The following CLVS2 variants were observed in gnomAD, a reference collection of about 807,000 sequenced individuals.
CLVS2 encodes the protein clavesin 2.
A neutral mutation model predicts 29.0 loss-of-function variants in CLVS2; 19 were observed. The observed-to-expected ratio is 0.66, with a 90% CI of 0.46 to 0.96. The LOEUF is 0.96. CLVS2 is among the 40% of genes least tolerant of loss of function. The pLI, the probability that CLVS2 is intolerant of heterozygous loss-of-function variation, is 0.00. For missense variants in CLVS2, 294 were observed against 404.1 expected (o/e 0.73, Z 2.34); for synonymous variants, 161 against 151.3 (o/e 1.06, Z -0.47).
chr6:123,038,259 C>G (rs968475210), intron 3 of CLVS2, among the ~76,000 whole-genome samples: 5 of 152,166 alleles, frequency 3.3e-5, no homozygotes, highest in African/African-American at 7.2e-5. Context: ...CTTTAAGCCT[C>G]TTAACACCTT....
intron 3 of CLVS2, among the ~76,000 whole-genome samples, chr6:123,041,555 T>C (rs941821880): frequency 6.6e-6 from 1 of 152,164 alleles, no homozygotes; most frequent in African/African-American, 2.4e-5. Context: ...TGAATTCCCT[T>C]AAAGGAGAGT....
At chr6:123,011,586 T>A (rs1369642184) in intron 3 of CLVS2, among the ~76,000 whole-genome samples, 1 of 152,014 alleles carries the variant, frequency 6.6e-6, no homozygotes, top group Non-Finnish European at 1.5e-5. Flanking sequence ...TCAATCAATA[T>A]GTTTTTTGGT....
intron 5 of CLVS2, among the ~76,000 whole-genome samples, chr6:123,059,921 T>C (rs991074419): frequency 2.0e-5 from 3 of 152,222 alleles, no homozygotes; most frequent in African/African-American, 7.2e-5. Flanking sequence ...TGTCATGGGC[T>C]GATTAGAGTT....
chr6:123,036,358 A>C (rs1775153959), intron 3 of CLVS2, among the ~76,000 whole-genome samples: 1 of 152,184 alleles, frequency 6.6e-6, no homozygotes, highest in Admixed American at 6.5e-5. Flanking sequence ...CTGGTGTTTT[A>C]ATTAGAATCT....
rs146800301 is a variant in CLVS2, at chr6:123,055,962, G to A, written c.832G>A (p.Val278Ile). ...ATATGACGATGACAGCGAGTACAATGTAGACTCCTACAGCATGCCTGTGAA... is the reference window on the plus strand; with the variant it reads ...ATATGACGATGACAGCGAGTACAATATAGACTCCTACAGCATGCCTGTGAA... ...HEYDDDSEYNVDSYSMPVKEV... is the reference protein window; with the variant it reads ...HEYDDDSEYNIDSYSMPVKEV... Residue 278 changes from valine (V) to isoleucine (I), a missense_variant, in exon 5 of 6, where the codon GTA becomes ATA. By Grantham distance (29) the Val-to-Ile change is conservative. Around this residue, in one of 2 missense-constraint regions of CLVS2, gnomAD observed 82 missense variants for 67.8 expected, o/e 1.21. Coordinates refer to ENST00000275162, the MANE Select transcript of CLVS2 (RefSeq NM_001010852.4). 3.1e-5 allele frequency: 50 copies of A among 1,613,926 alleles called. No individual in the cohort carries two copies. Among genetic ancestry groups the A allele is most frequent in the South Asian group, 2.0e-4 (18 of 91,090 alleles).
At chr6:123,002,586 T>TAA (rs1554200614) in intron 2 of CLVS2, among the ~76,000 whole-genome samples, 5 of 144,162 alleles carry the variant, frequency 3.5e-5, no homozygotes, top group Non-Finnish European at 6.0e-5. Flanking sequence ...GTACTAAAAA[T>TAA]AATAAAATAA....
chr6:123,035,456 G>A (rs1775140342), intron 3 of CLVS2, among the ~76,000 whole-genome samples: 1 of 152,050 alleles, frequency 6.6e-6, no homozygotes, highest in Non-Finnish European at 1.5e-5. Flanking sequence ...GAGTGTTGAA[G>A]ATGAAGATGT....
intron 3 of CLVS2, among the ~76,000 whole-genome samples, chr6:123,023,084 A>C (rs1554201718): frequency 6.6e-6 from 1 of 152,256 alleles, no homozygotes; most frequent in African/African-American, 2.4e-5. Context: ...TAGAACTAGG[A>C]AGTACCTTAA....
chr6:123,000,342 A>G (rs1774573672), intron 2 of CLVS2, among the ~76,000 whole-genome samples: 1 of 152,066 alleles, frequency 6.6e-6, no homozygotes, highest in Admixed American at 6.5e-5. Flanking sequence ...CTTCTTTCCC[A>G]CCTTCCTTTT....
At chr6:123,063,368 T>G (rs892246253) in intron 5 of CLVS2, among the ~76,000 whole-genome samples, 1 of 152,168 alleles carries the variant, frequency 6.6e-6, no homozygotes, top group Non-Finnish European at 1.5e-5. Flanking sequence ...TAGAAATTTG[T>G]GATATCTCAA....
chr6:123,012,202 C>T (rs772619181), intron 3 of CLVS2, among the ~76,000 whole-genome samples: 1 of 151,912 alleles, frequency 6.6e-6, no homozygotes, highest in Non-Finnish European at 1.5e-5. Context: ...TTTTAAAAAC[C>T]TCCACAGGGA....
At chr6:123,013,485 G>T (rs1774781429) in intron 3 of CLVS2, among the ~76,000 whole-genome samples, 1 of 151,768 alleles carries the variant, frequency 6.6e-6, no homozygotes, top group African/African-American at 2.4e-5. Context: ...ATAGGGGATT[G>T]AACCAAAAAT....
intron 4 of CLVS2, among the ~76,000 whole-genome samples, chr6:123,051,706 G>C (rs917778058): frequency 6.6e-6 from 1 of 152,044 alleles, no homozygotes; most frequent in Non-Finnish European, 1.5e-5. Flanking sequence ...AGATCACTTA[G>C]CATAATCTCT....
In CLVS2 at chr6:123,063,887, A is replaced by C. The variant is rs959068577; in HGVS notation, c.*126A>C. The C allele has an allele frequency of 5.2e-6, 3 of 581,960 alleles. No individual in the cohort carries two copies. Among genetic ancestry groups the C allele is most frequent in the Non-Finnish European group, 8.9e-6 (3 of 335,842 alleles). The allele number at this position is 581,960 out of a possible 1,614,324, so 36.0% of individuals were successfully genotyped here. A position where few individuals can be genotyped will look rare whatever the true frequency, so the allele number is the denominator to read the frequency against. Reference sequence around the variant, plus strand: ...TTCATGTTAATGTAGCATAATATATAACAAGGCATCAGGCTTTCCTTGGCC... The same window carrying C: ...TTCATGTTAATGTAGCATAATATATCACAAGGCATCAGGCTTTCCTTGGCC... On this transcript the variant is annotated 3_prime_UTR_variant, in exon 6 of 6. Transcript: ENST00000275162.
intron 5 of CLVS2, among the ~76,000 whole-genome samples, chr6:123,058,315 C>T (rs1772724848): frequency 6.6e-6 from 1 of 152,156 alleles, no homozygotes; most frequent in South Asian, 2.1e-4. Flanking sequence ...CACAGAGGCC[C>T]TTTCTCAGAA....
chr6:123,003,088 G>A (rs1049864132), intron 2 of CLVS2, among the ~76,000 whole-genome samples: 4 of 152,320 alleles, frequency 2.6e-5, no homozygotes, highest in East Asian at 1.9e-4. Context: ...GAGGAATATG[G>A]TGATGAATCT....
chr6:123,012,839 G>C (rs1376706919), intron 3 of CLVS2, among the ~76,000 whole-genome samples: 5 of 151,956 alleles, frequency 3.3e-5, no homozygotes. Flanking sequence ...ACACAAGACA[G>C]AGTAAGAAGG....
chr6:123,034,697 A>G (rs1026392673), intron 3 of CLVS2, among the ~76,000 whole-genome samples: 1 of 152,126 alleles, frequency 6.6e-6, no homozygotes, highest in Non-Finnish European at 1.5e-5. Flanking sequence ...CTAGAAGTAC[A>G]TACATGCACA....
intron 3 of CLVS2, among the ~76,000 whole-genome samples, chr6:123,036,100 T>C (rs1025805830): frequency 2.0e-5 from 3 of 152,154 alleles, no homozygotes; most frequent in Non-Finnish European, 2.9e-5. Context: ...AATGGAAGCA[T>C]TGAATGCACA....
Sources: gnomAD v4.1 joint callset for allele counts (sites outside exome capture counted in the v4.1 genomes callset) on GRCh38, gnomAD v4.1.1 for gene constraint, gnomAD v4.1.1 regional missense constraint, MANE v1.5 for transcripts, NCBI Gene and HGNC (gene_info 2026-07-23, HGNC 2026-07-21) for gene names.